GPR158: variants seen among roughly 807,000 people sequenced by gnomAD.
The protein encoded by GPR158 is G protein-coupled receptor 158, also known as metabotropic glycine receptor.
In GPR158, 30 loss-of-function variants were observed where a neutral mutation model predicts 78.2. The observed-to-expected ratio is 0.38, with a 90% CI of 0.29 to 0.52. GPR158 has a LOEUF of 0.52. GPR158 is among the 20% of genes least tolerant of loss of function. The pLI, the probability that GPR158 is intolerant of heterozygous loss-of-function variation, is 0.83. For missense variants in GPR158, 1,463 were observed against 1,523.5 expected (o/e 0.96, Z 0.66); for synonymous variants, 581 against 591.1 (o/e 0.98, Z 0.25).
At chr10:25,444,236 G>A (rs1162916279) in intron 4 of GPR158, among the ~76,000 whole-genome samples, 4 of 151,498 alleles carry the variant, frequency 2.6e-5, no homozygotes, top group Admixed American at 2.0e-4. Flanking sequence ...ATAATGGGGG[G>A]TGTGTGTGAG....
At position 25,598,573 on chromosome 10, in the gene GPR158, C is replaced by T; in HGVS notation, c.2947C>T (p.Pro983Ser). The part of the protein sequence containing the change: ...SGIMKQQRVN[P>S]TTANSDLNPG... ...GATTATGAAACAACAAAGGGTCAAC[C>T]CCACCACTGCCAATTCTGACCTGAA... The change falls in exon 11 of 11, where the codon CCC (proline) becomes TCC (serine). Residue 983 changes from proline to serine, a missense_variant. By Grantham distance (74) the Pro-to-Ser change is moderately conservative (BLOSUM62 -1). Transcript: ENST00000376351. 6.2e-7 allele frequency: 1 copy of T among 1,613,778 alleles called. No homozygotes were observed. Among genetic ancestry groups the T allele is most frequent in the Non-Finnish European group, 8.5e-7 (1 of 1,179,922 alleles).
chr10:25,351,923 C>T (rs950855858), intron 2 of GPR158, among the ~76,000 whole-genome samples: 4 of 151,826 alleles, frequency 2.6e-5, no homozygotes, highest in African/African-American at 9.7e-5. Flanking sequence ...CAGACAGGCC[C>T]CAGTGTGTGT....
intron 5 of GPR158, among the ~76,000 whole-genome samples, chr10:25,505,982 C>T (rs1264914554): frequency 1.3e-5 from 2 of 152,160 alleles, no homozygotes; most frequent in Non-Finnish European, 2.9e-5. Context: ...CTGAATTCCT[C>T]CATAGCAAAT....
At chr10:25,576,061 T>G (rs1262349022) in intron 7 of GPR158, among the ~76,000 whole-genome samples, 1 of 152,142 alleles carries the variant, frequency 6.6e-6, no homozygotes, top group Non-Finnish European at 1.5e-5. Flanking sequence ...GTTGTTGTTT[T>G]TTTTTTCCAG....
At chr10:25,380,617 C>T (rs1834141621) in intron 2 of GPR158, among the ~76,000 whole-genome samples, 1 of 152,054 alleles carries the variant, frequency 6.6e-6, no homozygotes, top group South Asian at 2.1e-4. Flanking sequence ...AATGCCAAAT[C>T]ATTTTCCAAT....
intron 5 of GPR158, among the ~76,000 whole-genome samples, chr10:25,512,075 A>G (rs1302160982): frequency 2.6e-5 from 4 of 151,990 alleles, no homozygotes; most frequent in Non-Finnish European, 4.4e-5. Context: ...GTGAAGAATG[A>G]TGGTGGTATT....
At chr10:25,285,066 T>TTGTGTGTGTGTGTG (rs149094801) in intron 2 of GPR158, among the ~76,000 whole-genome samples, 16 of 149,152 alleles carry the variant, frequency 1.1e-4, no homozygotes, top group African/African-American at 2.5e-4. Flanking sequence ...GTTCTATTCA[T>TTGTGTGTGTGTGTG]TGTGTGTGTG....
At chr10:25,433,211 C>T (rs184410394) in intron 4 of GPR158, among the ~76,000 whole-genome samples, 3 of 152,178 alleles carry the variant, frequency 2.0e-5, no homozygotes, top group Admixed American at 1.3e-4. Flanking sequence ...ATCTCTCACA[C>T]GTTTACAATG....
In GPR158 at chr10:25,175,924, G is replaced by T. The variant is rs918285919; in HGVS notation, c.504G>T (p.Glu168Asp). The T allele has an allele frequency of 3.7e-6, 6 of 1,613,548 alleles. No homozygotes were observed. Among genetic ancestry groups the T allele is most frequent in the Non-Finnish European group, 5.1e-6 (6 of 1,179,998 alleles). ...QALVWSLLEG[E>D]PSISRAAITF... ...TGGTGTGGAGCCTTCTGGAGGGCGA[G>T]CCCAGCATCTCCCGGGCGGCCATCA... The change falls in exon 1 of 11, where the codon GAG (glutamate) becomes GAT (aspartate). Residue 168 changes from glutamate to aspartate, a missense_variant. Coordinates refer to ENST00000376351, the MANE Select transcript of GPR158 (RefSeq NM_020752.3). The surrounding 1 kb of genome is among the most constrained non-coding windows in gnomAD (Gnocchi z 6.4).
At chr10:25,551,746 T>G (rs980015282) in intron 6 of GPR158, among the ~76,000 whole-genome samples, 7 of 152,178 alleles carry the variant, frequency 4.6e-5, no homozygotes, top group African/African-American at 1.7e-4. Flanking sequence ...TGCCTCCTTT[T>G]TCCAGGTTTA....
chr10:25,290,209 C>G (rs1006548902), intron 2 of GPR158, among the ~76,000 whole-genome samples: 1 of 152,110 alleles, frequency 6.6e-6, no homozygotes, highest in African/African-American at 2.4e-5. Context: ...TCGGATATAT[C>G]AAAGACATTT....
At chr10:25,470,360 C>T (rs1257957229) in intron 5 of GPR158, among the ~76,000 whole-genome samples, 2 of 152,050 alleles carry the variant, frequency 1.3e-5, no homozygotes, top group African/African-American at 4.8e-5. Context: ...TGTAAAAGAG[C>T]TCGGTGGAGG....
chr10:25,442,233 C>T (rs1262977187), intron 4 of GPR158, among the ~76,000 whole-genome samples: 1 of 151,900 alleles, frequency 6.6e-6, no homozygotes, highest in Non-Finnish European at 1.5e-5. Context: ...TTCATTGACA[C>T]AAATAAGCAA....
At chr10:25,574,959 C>CT (rs1837069044) in intron 7 of GPR158, among the ~76,000 whole-genome samples, 1 of 151,292 alleles carries the variant, frequency 6.6e-6, no homozygotes, top group African/African-American at 2.4e-5. Context: ...TCCAGCTACT[C>CT]TAGAGGCTGA....
intron 2 of GPR158, among the ~76,000 whole-genome samples, chr10:25,291,236 G>A (rs2130764640): frequency 6.6e-6 from 1 of 151,608 alleles, no homozygotes; most frequent in South Asian, 2.1e-4. Context: ...AAAGGGAAGG[G>A]CAGGATAAAA....
Position 25,186,920 on chromosome 10 carries a change from A to T in GPR158, c.902+10598A>T, listed in dbSNP as rs182864603. Among the ~76,000 whole-genome samples the T allele has an allele frequency of 9.9e-5, 15 of 151,782 alleles. No homozygotes were observed. In the East Asian group the frequency reaches 2.9e-3, roughly 30 times the overall value. On this transcript the variant is annotated intron_variant, in intron 1 of 10. Coordinates refer to ENST00000376351, the MANE Select transcript of GPR158 (RefSeq NM_020752.3). ...CCAAAGCCTGGCAGAGACACAACAA[A>T]AAAAAGAGAATTTTAGAAAGAGGGA...
chr10:25,543,161 C>G (rs752912871), intron 5 of GPR158, among the ~76,000 whole-genome samples: 3 of 152,070 alleles, frequency 2.0e-5, no homozygotes, highest in African/African-American at 4.8e-5. Context: ...CACTCTGTCA[C>G]CCAGGCTGGA....
At chr10:25,342,723 T>A (rs1466798727) in intron 2 of GPR158, among the ~76,000 whole-genome samples, 1 of 151,898 alleles carries the variant, frequency 6.6e-6, no homozygotes. Flanking sequence ...AGTACCTCTT[T>A]TCCTCAGGCT....
intron 2 of GPR158, among the ~76,000 whole-genome samples, chr10:25,377,862 CAT>C (rs1257388804): frequency 2.0e-5 from 3 of 151,968 alleles, no homozygotes; most frequent in African/African-American, 7.2e-5. Flanking sequence ...TTTATGTAGA[CAT>C]ATGTTTTCAA....
Sources: allele counts gnomAD v4.1 joint callset (sites outside exome capture counted in the v4.1 genomes callset), GRCh38; gene constraint gnomAD v4.1.1; non-coding constraint Gnocchi (gnomAD v3.1); transcripts MANE v1.5; gene names NCBI Gene and HGNC (gene_info 2026-07-23, HGNC 2026-07-21).